RIN3: variants seen among roughly 807,000 people sequenced by gnomAD.
RIN3 encodes Ras and Rab interactor 3.
Under a neutral mutation model 76.3 loss-of-function variants are expected in RIN3, and 54 were observed. The observed-to-expected ratio is 0.71, with a 90% CI of 0.57 to 0.89. RIN3 has a LOEUF of 0.89. Ranked by LOEUF, RIN3 falls within the 40% of genes least tolerant of loss-of-function variation. RIN3 has a pLI of 0.00. For synonymous variants in RIN3, 576 were observed against 564.0 expected (o/e 1.02, Z -0.30); for missense variants, 1,256 against 1,322.1 (o/e 0.95, Z 0.78).
chr14:92,651,162 C>T (rs1887401036), intron 5 of RIN3, among the ~76,000 whole-genome samples: 1 of 152,272 alleles, frequency 6.6e-6, no homozygotes, highest in East Asian at 1.9e-4. Flanking sequence ...AAACCACCTG[C>T]CCCAGAGCAC....
At chr14:92,530,956 A>G (rs1028873643) in intron 1 of RIN3, among the ~76,000 whole-genome samples, 2 of 151,944 alleles carry the variant, frequency 1.3e-5, no homozygotes, top group Non-Finnish European at 2.9e-5. Context: ...TCTGCTGGCA[A>G]AGTCCCACCC....
At chr14:92,562,175 G>T (rs1428085094) in intron 2 of RIN3, among the ~76,000 whole-genome samples, 1 of 152,212 alleles carries the variant, frequency 6.6e-6, no homozygotes, top group East Asian at 1.9e-4. Context: ...CTTGTCTGAT[G>T]GTTAGACTGG....
chr14:92,533,953 A>C (rs557515626), intron 1 of RIN3, among the ~76,000 whole-genome samples: 1 of 152,318 alleles, frequency 6.6e-6, no homozygotes, highest in African/African-American at 2.4e-5. Flanking sequence ...ATACTGGATG[A>C]TACAGGTAAA....
chr14:92,603,975 A>G (rs1362825950), intron 3 of RIN3, among the ~76,000 whole-genome samples: 1 of 152,260 alleles, frequency 6.6e-6, no homozygotes, highest in Non-Finnish European at 1.5e-5. Flanking sequence ...TGACGGTAGC[A>G]AACATTCCTT....
intron 1 of RIN3, among the ~76,000 whole-genome samples, chr14:92,536,233 A>C (rs948265991): frequency 2.6e-5 from 4 of 152,006 alleles, no homozygotes; most frequent in African/African-American, 7.3e-5. Flanking sequence ...TTTTCACACA[A>C]CACCTTTGGG....
intron 4 of RIN3, among the ~76,000 whole-genome samples, chr14:92,637,508 T>C (rs1886818717): frequency 6.6e-6 from 1 of 152,038 alleles, no homozygotes; most frequent in Non-Finnish European, 1.5e-5. Context: ...CTAATACCAG[T>C]TTGTAGCCCA....
chr14:92,659,593 G>A, intron 7 of RIN3, 124 bp downstream of exon 7: 1 of 897,782 alleles, frequency 1.1e-6, no homozygotes, highest in South Asian at 1.9e-5. Context: ...GAGCCCCCTT[G>A]GGGAGGAACT....
intron 1 of RIN3, among the ~76,000 whole-genome samples, chr14:92,543,970 G>C (rs1887560): frequency 0.017 from 2,557 of 152,154 alleles, 64 homozygotes; most frequent in African/African-American, 0.058. Flanking sequence ...TCTGTCCCAT[G>C]TCTAATTCAG....
intron 3 of RIN3, among the ~76,000 whole-genome samples, chr14:92,599,222 C>T (rs1885257923): frequency 6.6e-6 from 1 of 150,654 alleles, no homozygotes; most frequent in African/African-American, 2.4e-5. Context: ...GATGTGCCTG[C>T]TAAACAGAAG....
chr14:92,624,946 GAC>G (rs143894090), intron 4 of RIN3, among the ~76,000 whole-genome samples: 1,941 of 152,252 alleles, frequency 0.013, 20 homozygotes, highest in African/African-American at 0.031. Context: ...TCCCTCCCAG[GAC>G]GGTTCAAGTT....
At chr14:92,610,277 AG>A (rs1388806791) in intron 3 of RIN3, among the ~76,000 whole-genome samples, 1 of 152,186 alleles carries the variant, frequency 6.6e-6, no homozygotes, top group Non-Finnish European at 1.5e-5. Flanking sequence ...ATAAAAAGAA[AG>A]AAAAAAAGAG....
intron 7 of RIN3, among the ~76,000 whole-genome samples, chr14:92,667,283 C>T (rs566638198): frequency 1.1e-4 from 17 of 152,242 alleles, no homozygotes; most frequent in South Asian, 6.2e-4. Flanking sequence ...GAGGCCAAGG[C>T]GGGCGGATCA....
At chr14:92,682,270 T>C (rs900965305) in intron 8 of RIN3, among the ~76,000 whole-genome samples, 1 of 150,532 alleles carries the variant, frequency 6.6e-6, no homozygotes, top group Non-Finnish European at 1.5e-5. Context: ...CCTCACCACC[T>C]ACTGGACCAG....
chr14:92,645,639 G>A (rs936810791), intron 5 of RIN3, among the ~76,000 whole-genome samples: 4 of 152,142 alleles, frequency 2.6e-5, no homozygotes, highest in East Asian at 1.9e-4. Flanking sequence ...AAATAGGCAC[G>A]GGCTTTCTTT....
At chr14:92,618,477 G>C (rs540528745) in intron 4 of RIN3, among the ~76,000 whole-genome samples, 21 of 152,298 alleles carry the variant, frequency 1.4e-4, no homozygotes, top group African/African-American at 4.8e-4. Flanking sequence ...CCGAAGTTTT[G>C]TTGCAATGTG....
In RIN3 at chr14:92,688,649, C is replaced by T. The variant is rs1888972101; in HGVS notation, c.*397C>T. On this transcript the variant is annotated 3_prime_UTR_variant, in exon 10 of 10. Coordinates refer to ENST00000216487, the MANE Select transcript of RIN3 (RefSeq NM_024832.5). ...GGGCCCGAGCTTAGTTTCCCCAGGA[C>T]TGGCCTAGGAAGGAGCACCGGCCAC... 4.4e-6 allele frequency: 1 copy of T among 229,506 alleles called. No homozygotes were observed. Among genetic ancestry groups the T allele is most frequent in the East Asian group, 1.2e-4 (1 of 8,612 alleles). The allele number at this position is 229,506 out of a possible 1,614,324, so 14.2% of individuals were successfully genotyped here.
chr14:92,582,210 C>T lies in RIN3; in HGVS notation c.367+4733C>T, dbSNP rs139639300. 3.9e-4 allele frequency among the ~76,000 whole-genome samples: 59 copies of T among 152,264 alleles called. 1 individual carries two copies. Among genetic ancestry groups the T allele is most frequent in the Non-Finnish European group, 7.8e-4 (53 of 68,010 alleles). ...AAATTGGGTCACTCAGAGACAGAGA[C>T]GGCCAGCCTACTTCTATGGGTTCTT... On this transcript the variant is annotated intron_variant, in intron 3 of 9. Transcript: ENST00000216487.
At chr14:92,534,868 C>CT (rs941282817) in intron 1 of RIN3, among the ~76,000 whole-genome samples, 33 of 152,230 alleles carry the variant, frequency 2.2e-4, no homozygotes, top group Middle Eastern at 3.4e-3. Flanking sequence ...TCACCTGTTA[C>CT]TTTTTTTATT....
At chr14:92,601,845 C>T (rs886366953) in intron 3 of RIN3, among the ~76,000 whole-genome samples, 2 of 152,208 alleles carry the variant, frequency 1.3e-5, no homozygotes, top group Admixed American at 1.3e-4. Context: ...TGTCCAATGT[C>T]TCCCCTTCTG....
Sources: gnomAD v4.1 joint callset for allele counts (sites outside exome capture counted in the v4.1 genomes callset) on GRCh38, gnomAD v4.1.1 for gene constraint, MANE v1.5 for transcripts, NCBI Gene and HGNC (gene_info 2026-07-23, HGNC 2026-07-21) for gene names.